Variants in NME7 observed in about 807,000 individuals in gnomAD.
NME7 encodes the protein nucleoside diphosphate kinase 7.
Under a neutral mutation model 49.1 loss-of-function variants are expected in NME7, and 41 were observed. That is an observed-to-expected ratio of 0.83 (90% confidence interval 0.65 to 1.08). The LOEUF is 1.08. Among genes scored for constraint, NME7 ranks in the 50% least tolerant of loss-of-function variants. The pLI, the probability that NME7 is intolerant of heterozygous loss-of-function variation, is 0.00. For missense variants in NME7, 423 were observed against 463.4 expected (o/e 0.91, Z 0.80); for synonymous variants, 139 against 150.6 (o/e 0.92, Z 0.56).
At chr1:169,178,032 G>T (rs962164045) in intron 10 of NME7, among the ~76,000 whole-genome samples, 6 of 151,984 alleles carry the variant, frequency 3.9e-5, no homozygotes, top group African/African-American at 1.5e-4. Flanking sequence ...GTAGAGACGA[G>T]GTTTCACCGT....
intron 10 of NME7, among the ~76,000 whole-genome samples, chr1:169,181,328 A>T (rs1659922409): frequency 6.6e-6 from 1 of 151,850 alleles, no homozygotes; most frequent in South Asian, 2.1e-4. Context: ...AAAAAAATTA[A>T]GACTGATATC....
In NME7 at chr1:169,161,452, G is replaced by A. The variant is rs78289849; in HGVS notation, c.1098+7995C>T. Among the ~76,000 whole-genome samples, 676 of 152,290 alleles carry A rather than the reference G, an allele frequency of 4.4e-3. 6 individuals are homozygous for A. The highest frequency in any genetic ancestry group is 0.015 in the African/African-American group (636 of 41,566). On this transcript the variant is annotated intron_variant, in intron 11 of 11. Transcript: ENST00000367811. ...CCTGTCCAATCATCTTAGTCACCAT[G>A]CACCTATGTTTATTTCTGATTAATC...
chr1:169,348,715 A>G (rs1482939304), intron 1 of NME7, among the ~76,000 whole-genome samples: 1 of 152,084 alleles, frequency 6.6e-6, no homozygotes, highest in East Asian at 1.9e-4. Context: ...AAATACCCTC[A>G]ATTTTAGCCC....
intron 10 of NME7, among the ~76,000 whole-genome samples, chr1:169,180,053 AT>A (rs1032374363): frequency 2.0e-5 from 3 of 151,640 alleles, no homozygotes; most frequent in Non-Finnish European, 4.4e-5. Context: ...TATCCAATTT[AT>A]AAAATAACAT....
intron 1 of NME7, among the ~76,000 whole-genome samples, chr1:169,348,377 A>C (rs577525217): frequency 2.0e-5 from 3 of 151,920 alleles, no homozygotes; most frequent in African/African-American, 4.8e-5. Flanking sequence ...AAAAAAAAAA[A>C]AACCCACATT....
At chr1:169,176,673 A>G (rs780181869) in intron 10 of NME7, among the ~76,000 whole-genome samples, 2 of 152,134 alleles carry the variant, frequency 1.3e-5, no homozygotes, top group Non-Finnish European at 2.9e-5. Context: ...GGCTGAAGTG[A>G]AAATGAAGTC....
chr1:169,219,872 T>A (rs534944359), intron 10 of NME7, among the ~76,000 whole-genome samples: 56 of 152,300 alleles, frequency 3.7e-4, no homozygotes, highest in African/African-American at 1.3e-3. Context: ...AATAAATAAA[T>A]ATTTACTCTA....
chr1:169,184,128 C>T (rs1660005191), intron 10 of NME7, among the ~76,000 whole-genome samples: 1 of 151,760 alleles, frequency 6.6e-6, no homozygotes, highest in African/African-American at 2.4e-5. Context: ...TCTTGAAACA[C>T]ACTTACATTG....
intron 7 of NME7, among the ~76,000 whole-genome samples, chr1:169,261,382 C>T (rs1649157996): frequency 7.5e-6 from 1 of 133,518 alleles, no homozygotes; most frequent in Non-Finnish European, 1.8e-5. Context: ...AGCAACAGAT[C>T]AAGATTTACC....
intron 10 of NME7, among the ~76,000 whole-genome samples, chr1:169,224,636 C>G (rs1464346010): frequency 6.6e-6 from 1 of 151,932 alleles, no homozygotes; most frequent in South Asian, 2.1e-4. Context: ...TGGGGGAAAT[C>G]CTGGACTTTT....
At chr1:169,305,680 G>A (rs1458946396) in intron 4 of NME7, among the ~76,000 whole-genome samples, 1 of 152,076 alleles carries the variant, frequency 6.6e-6, no homozygotes, top group Non-Finnish European at 1.5e-5. Context: ...TGGAACAGCT[G>A]GTAACCCAAG....
chr1:169,297,716 A>C (rs2101905706), intron 6 of NME7, among the ~76,000 whole-genome samples: 1 of 152,322 alleles, frequency 6.6e-6, no homozygotes, highest in East Asian at 1.9e-4. Context: ...CAGCAGGTGA[A>C]TGTTAATCTG....
At chr1:169,180,752 C>T (rs1251562154) in intron 10 of NME7, among the ~76,000 whole-genome samples, 1 of 152,120 alleles carries the variant, frequency 6.6e-6, no homozygotes, top group Admixed American at 6.5e-5. Flanking sequence ...CCTATATATT[C>T]AAAATACTAT....
At chr1:169,208,000 T>C (rs916383780) in intron 10 of NME7, among the ~76,000 whole-genome samples, 5 of 152,138 alleles carry the variant, frequency 3.3e-5, no homozygotes, top group African/African-American at 1.2e-4. Context: ...GGTTGTCATC[T>C]GTAACTTTTG....
chr1:169,335,987 G>A (rs917765837), intron 1 of NME7, among the ~76,000 whole-genome samples: 21 of 152,002 alleles, frequency 1.4e-4, no homozygotes, highest in South Asian at 1.2e-3. Flanking sequence ...GAATGAAGCC[G>A]TGGACCCTCG....
Position 169,232,523 on chromosome 1 carries a change from A to G in NME7, c.889-1704T>C, listed in dbSNP as rs541283015. ...CAAAATAATAAAATTAGCTAAAAAC[A>G]AAAACAAAAAGCTTTATAAGCAGCC... On this transcript the variant is annotated intron_variant, in intron 9 of 11. Coordinates refer to ENST00000367811, the MANE Select transcript of NME7 (RefSeq NM_013330.5). Among the ~76,000 whole-genome samples, 8 of 150,792 alleles carry G rather than the reference A, an allele frequency of 5.3e-5. No individual in the cohort carries two copies. In the East Asian group the frequency reaches 1.6e-3, roughly 29 times the overall value.
chr1:169,200,532 C>T (rs1193162119), intron 10 of NME7, among the ~76,000 whole-genome samples: 3 of 152,092 alleles, frequency 2.0e-5, no homozygotes, highest in Non-Finnish European at 4.4e-5. Context: ...GTGAGATTGC[C>T]TTTCATATGC....
At chr1:169,336,835 T>G (rs985515180) in intron 1 of NME7, among the ~76,000 whole-genome samples, 1 of 151,612 alleles carries the variant, frequency 6.6e-6, no homozygotes, top group African/African-American at 2.4e-5. Flanking sequence ...CCAGAGCAGC[T>G]AGATACAGAG....
chr1:169,138,784 C>G (rs777523593), intron 11 of NME7, among the ~76,000 whole-genome samples: 1 of 152,188 alleles, frequency 6.6e-6, no homozygotes, highest in Non-Finnish European at 1.5e-5. Context: ...CTTGATTCCT[C>G]TGACTGCCAC....
Sources: gnomAD v4.1 joint callset for allele counts (sites outside exome capture counted in the v4.1 genomes callset) on GRCh38, gnomAD v4.1.1 for gene constraint, MANE v1.5 for transcripts, NCBI Gene and HGNC (gene_info 2026-07-23, HGNC 2026-07-21) for gene names.